KIF13A: variants seen among roughly 807,000 people sequenced by gnomAD.
KIF13A encodes kinesin family member 13A.
KIF13A carries 79 observed loss-of-function variants against 212.2 expected under a neutral mutation model. That is an observed-to-expected ratio of 0.37 (90% confidence interval 0.31 to 0.45). The LOEUF (loss-of-function observed/expected upper bound fraction) is 0.45, where lower values mean the gene tolerates loss of function less well. Among genes scored for constraint, KIF13A ranks in the 20% least tolerant of loss-of-function variants. The probability of loss-of-function intolerance (pLI) is 1.00; values close to 1 mark genes in which losing one functional copy is unlikely to be tolerated. For missense variants in KIF13A, 1,901 were observed against 2,209.0 expected, an observed-to-expected ratio of 0.86 and a Z score of 2.79; for synonymous variants, 789 against 808.6, an observed-to-expected ratio of 0.98 and a Z score of 0.41.
intron 2 of KIF13A, among the ~76,000 whole-genome samples, chr6:17,929,068 A>AAAAC (rs1554117370): frequency 8.6e-6 from 1 of 116,184 alleles, no homozygotes; most frequent in Admixed American, 8.7e-5. Context: ...TCAAAAAAAA[A>AAAAC]AAAAAAAAAA....
chr6:17,950,398 C>T, intron 2 of KIF13A: 1 of 966,756 alleles, frequency 1.0e-6, no homozygotes, highest in South Asian at 4.8e-5. Flanking sequence ...TAATGACTCA[C>T]AGACATGTGC....
chr6:17,782,093 T>C (rs1760644407), intron 29 of KIF13A, among the ~76,000 whole-genome samples: 1 of 151,960 alleles, frequency 6.6e-6, no homozygotes, highest in Admixed American at 6.5e-5. Context: ...TGCACCACCA[T>C]GCCCAGGTAA....
Position 17,778,654 on chromosome 6 carries a change from A to G in KIF13A, c.4092+293T>C, listed in dbSNP as rs186456141. The stretch of plus-strand genomic sequence containing the variant: ...AACTTCTATCAGCCTCAATTTTCTC[A>G]TTTGAAAATGGGGATTTCAACAGTA... On this transcript the variant is annotated intron_variant, in intron 33 of 38. Transcript: ENST00000259711. 1.8e-3 allele frequency among the ~76,000 whole-genome samples: 276 copies of G among 152,302 alleles called. 3 individuals carry two copies. The highest frequency in any genetic ancestry group is 6.1e-3 in the African/African-American group (254 of 41,568).
chr6:17,949,833 AAG>A (rs1327378600), intron 2 of KIF13A, among the ~76,000 whole-genome samples: 1 of 152,138 alleles, frequency 6.6e-6, no homozygotes, highest in African/African-American at 2.4e-5. Context: ...ATGACAAACT[AAG>A]AGGTCTTCTA....
rs1766721362 is a variant in KIF13A at position 17,843,531 on chromosome 6, C to T, written c.830+5846G>A. Reference sequence around the variant, plus strand: ...TGCCCTTCCTCCTTTTTCCTTCTTCCAGTTTGTACCACAGATATGGATACG... The same window carrying T: ...TGCCCTTCCTCCTTTTTCCTTCTTCTAGTTTGTACCACAGATATGGATACG... On this transcript the variant is annotated intron_variant, in intron 9 of 38. Transcript: ENST00000259711. This position sits in a 1 kb window ranked among gnomAD's most constrained non-coding sequence, Gnocchi z 5.3. Among the ~76,000 whole-genome samples the T allele has an allele frequency of 6.6e-6, 1 of 152,128 alleles. No individual in the cohort carries two copies. Among genetic ancestry groups the T allele is most frequent in the African/African-American group, 2.4e-5 (1 of 41,412 alleles).
chr6:17,841,256 G>T (rs1766476206), intron 9 of KIF13A, among the ~76,000 whole-genome samples: 1 of 151,796 alleles, frequency 6.6e-6, no homozygotes, highest in African/African-American at 2.4e-5. Context: ...GTAGAGAAGG[G>T]GCCTCACTTT....
At chr6:17,810,483 T>C (rs1040539169) in intron 17 of KIF13A, among the ~76,000 whole-genome samples, 2 of 152,242 alleles carry the variant, frequency 1.3e-5, no homozygotes, top group African/African-American at 4.8e-5. Context: ...CCCCAACCTT[T>C]TTGGCACCAG....
rs1761073241 is a variant in KIF13A, at chr6:17,786,564, C to CACTCCAGCCTGGGCGACAGAGGGAG, written c.3362-948_3362-924dup. Among the ~76,000 whole-genome samples, 2 of 152,200 alleles carry CACTCCAGCCTGGGCGACAGAGGGAG rather than the reference C, an allele frequency of 1.3e-5. No individual in the cohort carries two copies. The highest frequency in any genetic ancestry group is 4.2e-4 in the South Asian group (2 of 4,814). Reference sequence around the variant, plus strand: ...GCAGTGGGCCAAGATCATGCCACTGCACTCCAGCCTGGGCGACAGAGGGAG... The same window carrying CACTCCAGCCTGGGCGACAGAGGGAG: ...GCAGTGGGCCAAGATCATGCCACTGCACTCCAGCCTGGGCGACAGAGGGAGACTCCAGCCTGGGCGACAGAGGGAG... On this transcript the variant is annotated intron_variant, in intron 27 of 38. Coordinates refer to ENST00000259711, the MANE Select transcript of KIF13A (RefSeq NM_022113.6). The surrounding 1 kb of genome is among the most constrained non-coding windows in gnomAD (Gnocchi z 5.4).
At chr6:17,804,203 T>C (rs1299410017) in intron 20 of KIF13A, among the ~76,000 whole-genome samples, 158 bp downstream of exon 20, 3 of 151,980 alleles carry the variant, frequency 2.0e-5, no homozygotes, top group Admixed American at 2.0e-4. Context: ...AAGCTTCTAA[T>C]ATCGATTATT....
At chr6:17,932,046 C>T (rs1776031082) in intron 2 of KIF13A, among the ~76,000 whole-genome samples, 1 of 152,082 alleles carries the variant, frequency 6.6e-6, no homozygotes, top group South Asian at 2.1e-4. Context: ...CCACTGCAGA[C>T]CTACTGAATA....
intron 9 of KIF13A, among the ~76,000 whole-genome samples, chr6:17,847,617 C>A (rs1405740304): frequency 2.6e-5 from 4 of 152,152 alleles, no homozygotes; most frequent in African/African-American, 7.2e-5. Flanking sequence ...GTTATTACAG[C>A]TCAACAGAAA....
chr6:17,970,870 C>T (rs1206297712), intron 2 of KIF13A, among the ~76,000 whole-genome samples: 1 of 152,212 alleles, frequency 6.6e-6, no homozygotes, highest in Non-Finnish European at 1.5e-5. Context: ...TACAAAACTA[C>T]TTATTTATAC....
intron 22 of KIF13A, among the ~76,000 whole-genome samples, chr6:17,797,419 G>A (rs1012419114): frequency 1.3e-5 from 2 of 152,122 alleles, no homozygotes; most frequent in African/African-American, 4.8e-5. Context: ...AATCTACATC[G>A]TCTTACACTT....
chr6:17,814,301 T>C (rs1168176798), intron 17 of KIF13A, among the ~76,000 whole-genome samples: 1 of 139,280 alleles, frequency 7.2e-6, no homozygotes, highest in Non-Finnish European at 1.5e-5. Context: ...CAGGCTAGAG[T>C]GCAGTGGCGT....
In KIF13A at chr6:17,789,757, A is replaced by C; in HGVS notation, c.3261+115T>G. The C allele has an allele frequency of 2.7e-6, 2 of 730,280 alleles. No individual in the cohort carries two copies. The highest frequency in any genetic ancestry group is 1.8e-5 in the South Asian group (1 of 54,192). The allele number at this position is 730,280 out of a possible 1,614,324, so 45.2% of individuals were successfully genotyped here. Reference sequence around the variant, plus strand: ...AAAGCAAATCAAAAGCAAGTGAAAAACTGCATATTCTCGCTCTAGGGCCCT... The same window carrying C: ...AAAGCAAATCAAAAGCAAGTGAAAACCTGCATATTCTCGCTCTAGGGCCCT... On this transcript the variant is annotated intron_variant, in intron 26 of 38. Coordinates refer to ENST00000259711, the MANE Select transcript of KIF13A (RefSeq NM_022113.6). The surrounding 1 kb of genome is among the most constrained non-coding windows in gnomAD (Gnocchi z 4.8).
rs1759625771 is a variant in KIF13A at position 17,772,951 on chromosome 6, T to G, written c.4324+527A>C. Among the ~76,000 whole-genome samples the G allele has an allele frequency of 6.6e-6, 1 of 152,180 alleles. No homozygotes were observed. Among genetic ancestry groups the G allele is most frequent in the Non-Finnish European group, 1.5e-5 (1 of 68,026 alleles). On this transcript the variant is annotated intron_variant, in intron 36 of 38. Coordinates refer to ENST00000259711, the MANE Select transcript of KIF13A (RefSeq NM_022113.6). This position sits in a 1 kb window ranked among gnomAD's most constrained non-coding sequence, Gnocchi z 4.8. The stretch of plus-strand genomic sequence containing the variant: ...TGGCGAATATACCTTATATTTTACC[T>G]ACTAATATAAGGTATAAGGTAACAG...
Position 17,825,028 on chromosome 6 carries a change from T to C in KIF13A, c.1786+740A>G, listed in dbSNP as rs1258349669. On this transcript the variant is annotated intron_variant, in intron 16 of 38. Transcript: ENST00000259711. The surrounding 1 kb of genome is among the most constrained non-coding windows in gnomAD (Gnocchi z 4.5). The stretch of plus-strand genomic sequence containing the variant: ...ATGTCATCTTGTGGTTGGTAACAGG[T>C]GAACATTGCTTCTGGCTTCTAAGTC... Among the ~76,000 whole-genome samples, 1 of 152,120 alleles carries C rather than the reference T, an allele frequency of 6.6e-6. No individual in the cohort carries two copies. The highest frequency in any genetic ancestry group is 2.4e-5 in the African/African-American group (1 of 41,416).
chr6:17,775,021 A>T lies in KIF13A; in HGVS notation c.4212T>A (p.Asp1404Glu). The stretch of plus-strand genomic sequence containing the variant: ...CATGCCCATAGGTGCATACCTTGTC[A>T]TCTTCATCAAAGCCAGAAAGGTCCG... ...SRPDLSGFDE[D>E]DKGWPENQLD... The change falls in exon 35 of 39, where the codon GAT becomes GAA. Residue 1404 changes from aspartate to glutamate, a missense_variant. Physicochemically the swap from Asp to Glu is conservative, Grantham distance 45. This residue lies in a region of KIF13A where 687 missense variants were observed against 759.1 expected (regional missense o/e 0.90). Coordinates refer to ENST00000259711, the MANE Select transcript of KIF13A (RefSeq NM_022113.6). The T allele has an allele frequency of 6.2e-7, 1 of 1,611,398 alleles. No individual in the cohort carries two copies.
intron 20 of KIF13A, among the ~76,000 whole-genome samples, chr6:17,800,392 T>C (rs1243726399): frequency 6.6e-6 from 1 of 151,468 alleles, no homozygotes; most frequent in Non-Finnish European, 1.5e-5. Flanking sequence ...CAGGAATAGC[T>C]TAAAGGTAGC....
Sources: gnomAD v4.1 joint callset for allele counts (sites outside exome capture counted in the v4.1 genomes callset) on GRCh38, gnomAD v4.1.1 for gene constraint, gnomAD v4.1.1 regional missense constraint, Gnocchi (gnomAD v3.1) non-coding constraint, MANE v1.5 for transcripts, NCBI Gene and HGNC (gene_info 2026-07-23, HGNC 2026-07-21) for gene names.